TNRC6B: variants seen among roughly 807,000 people sequenced by gnomAD.
The protein encoded by TNRC6B is trinucleotide repeat containing adaptor 6B.
In TNRC6B, 52 loss-of-function variants were observed where a neutral mutation model predicts 203.6. The observed-to-expected ratio is 0.26, with a 90% CI of 0.20 to 0.32. The LOEUF (loss-of-function observed/expected upper bound fraction) is 0.32, where lower values mean the gene tolerates loss of function less well. Among genes scored for constraint, TNRC6B ranks in the 10% least tolerant of loss-of-function variants. TNRC6B has a pLI of 1.00. For missense variants in TNRC6B, 1,923 were observed against 2,286.2 expected (o/e 0.84, Z 3.24); for synonymous variants, 838 against 845.7 (o/e 0.99, Z 0.16).
At chr22:40,173,305 C>T (rs1167635414), upstream of TNRC6B, among the ~76,000 whole-genome samples, 1 of 152,054 alleles carries the variant, frequency 6.6e-6, no homozygotes, top group Non-Finnish European at 1.5e-5. Context: ...CCATGTTGAC[C>T]AGGATGGTCT....
rs1412341944 is a variant in TNRC6B, at chr22:40,301,022, G to A, written c.3936+17G>A. On this transcript the variant is annotated intron_variant, in intron 14 of 22. Coordinates refer to ENST00000454349, the MANE Select transcript of TNRC6B (RefSeq NM_001162501.2). ...GAGCAGCAGGTACGTGGGTAGGCAG[G>A]GTCCCTCCAGTGCTGTGTTGGAGGA... 3.1e-6 allele frequency: 5 copies of A among 1,606,798 alleles called. No homozygotes were observed. The East Asian group carries it at 9.0e-5, about 29-fold the overall frequency.
At chr22:40,250,253 T>C (rs1248851883) in intron 2 of TNRC6B, among the ~76,000 whole-genome samples, 1 of 152,236 alleles carries the variant, frequency 6.6e-6, no homozygotes, top group African/African-American at 2.4e-5. Context: ...TTTTGGATGT[T>C]TTGCTTGTGC....
At chr22:40,234,727 T>C (rs2069924876) in intron 1 of TNRC6B, among the ~76,000 whole-genome samples, 1 of 152,224 alleles carries the variant, frequency 6.6e-6, no homozygotes, top group Non-Finnish European at 1.5e-5. Context: ...GCATTTACCT[T>C]AATCTTTCTA....
intron 1 of TNRC6B, among the ~76,000 whole-genome samples, chr22:40,047,113 G>A (rs904323240): frequency 6.6e-6 from 1 of 152,112 alleles, no homozygotes; most frequent in Admixed American, 6.5e-5. Flanking sequence ...AATGAGAAAA[G>A]GGATCTCCAG....
At chr22:40,277,023 C>A in intron 7 of TNRC6B, 54 bp from the exon 8 acceptor site, 1 of 1,418,622 alleles carries the variant, frequency 7.0e-7, no homozygotes, top group Non-Finnish European at 9.5e-7. Flanking sequence ...TAATAAAACT[C>A]AGGAGGCTGA....
At chr22:40,228,924 G>A (rs1045532269) in intron 1 of TNRC6B, among the ~76,000 whole-genome samples, 1 of 152,122 alleles carries the variant, frequency 6.6e-6, no homozygotes, top group Non-Finnish European at 1.5e-5. Context: ...GTATAGGAAA[G>A]TACTTTCAGG....
chr22:40,074,387 G>A (rs2067986182), intron 1 of TNRC6B, among the ~76,000 whole-genome samples: 1 of 152,094 alleles, frequency 6.6e-6, no homozygotes, highest in South Asian at 2.1e-4. Context: ...GCTCATGACT[G>A]TAATCTCAGC....
chr22:40,292,703 G>A (rs1038558932), intron 12 of TNRC6B, among the ~76,000 whole-genome samples: 2 of 152,218 alleles, frequency 1.3e-5, no homozygotes. Flanking sequence ...TTTGCCTGGA[G>A]CCTAGTGGCG....
At chr22:40,138,877 G>A (rs897315186) in intron 3 of TNRC6B, among the ~76,000 whole-genome samples, 12 of 152,090 alleles carry the variant, frequency 7.9e-5, no homozygotes, top group African/African-American at 2.9e-4. Context: ...AAAAATAAAG[G>A]TAAATTAAGG....
intron 3 of TNRC6B, among the ~76,000 whole-genome samples, chr22:40,145,576 G>A (rs956152593): frequency 6.6e-6 from 1 of 152,198 alleles, no homozygotes; most frequent in African/African-American, 2.4e-5. Flanking sequence ...GGGCATGGTG[G>A]TTCACGCCTG....
intron 21 of TNRC6B, among the ~76,000 whole-genome samples, chr22:40,320,180 A>T (rs2071316204): frequency 6.6e-6 from 1 of 152,154 alleles, no homozygotes; most frequent in Admixed American, 6.5e-5. Context: ...GATCTTAAAT[A>T]CCTATTTAAG....
chr22:40,323,294 C>G lies in TNRC6B; in HGVS notation c.*53C>G. 3.3e-6 allele frequency: 5 copies of G among 1,519,326 alleles called. No homozygotes were observed. Among genetic ancestry groups the G allele is most frequent in the South Asian group, 2.5e-5 (2 of 80,772 alleles). 94.1% of individuals were successfully genotyped at this position (1,519,326 alleles called of 1,614,324 possible). A position where few individuals can be genotyped will look rare whatever the true frequency, so the allele number is the denominator to read the frequency against. Reference sequence around the variant, plus strand: ...GACCTTTTTTGGAACAGCAGCAGCACTAACTTGACCTTTTCGTTTTTTTTT... The same window carrying G: ...GACCTTTTTTGGAACAGCAGCAGCAGTAACTTGACCTTTTCGTTTTTTTTT... On this transcript the variant is annotated 3_prime_UTR_variant, in exon 23 of 23. Transcript: ENST00000454349.
intron 1 of TNRC6B, among the ~76,000 whole-genome samples, chr22:40,113,802 C>T (rs1473238735): frequency 6.6e-6 from 1 of 152,156 alleles, no homozygotes; most frequent in Non-Finnish European, 1.5e-5. Flanking sequence ...CCCTTGCTTC[C>T]TGGGAAGACC....
intron 1 of TNRC6B, among the ~76,000 whole-genome samples, chr22:40,075,389 C>T (rs2068004074): frequency 6.6e-6 from 1 of 151,408 alleles, no homozygotes; most frequent in Non-Finnish European, 1.5e-5. Context: ...AGAACGTTTC[C>T]TTATCCCTGG....
chr22:40,095,449 C>T (rs2068179980), intron 1 of TNRC6B, among the ~76,000 whole-genome samples: 1 of 152,074 alleles, frequency 6.6e-6, no homozygotes, highest in Non-Finnish European at 1.5e-5. Context: ...GACATGTAGC[C>T]ACCTCTCTTC....
At position 40,315,246 on chromosome 22, in the gene TNRC6B, C is replaced by G. The variant is rs752568752; in HGVS notation, c.4679-37C>G. 5 of 1,571,536 alleles carry G rather than the reference C, an allele frequency of 3.2e-6. No individual in the cohort carries two copies. The South Asian group carries it at 5.6e-5, about 18-fold the overall frequency. Reference sequence around the variant, plus strand: ...GTATTTGTCAACAAAAGTGAACCGTCTAACCTTATTCCTTCCTTAATTTTC... The same window carrying G: ...GTATTTGTCAACAAAAGTGAACCGTGTAACCTTATTCCTTCCTTAATTTTC... On this transcript the variant is annotated intron_variant, in intron 19 of 22. Transcript: ENST00000454349.
At chr22:40,167,614 G>A (rs2068930859) in intron 4 of TNRC6B, among the ~76,000 whole-genome samples, 1 of 150,674 alleles carries the variant, frequency 6.6e-6, no homozygotes, top group Non-Finnish European at 1.5e-5. Flanking sequence ...CAGACCAGGT[G>A]CCGTGGCTCA....
chr22:40,300,991 C>A lies in TNRC6B; in HGVS notation c.3922C>A (p.Gln1308Lys), dbSNP rs2071015329. 2 of 1,612,904 alleles carry A rather than the reference C, an allele frequency of 1.2e-6. No homozygotes were observed. ...QRKISQAVRQ[Q>K]QEQQLARMVS... ...AAAGATTTCTCAAGCTGTACGCCAACAGCAAGAGCAGCAGGTACGTGGGTA... is the reference window on the plus strand; with the variant it reads ...AAAGATTTCTCAAGCTGTACGCCAAAAGCAAGAGCAGCAGGTACGTGGGTA... The change falls in exon 14 of 23, where the codon CAG becomes AAG. Residue 1308 changes from glutamine to lysine, a missense_variant. Physicochemically the swap from Gln to Lys is moderately conservative, Grantham distance 53. Transcript: ENST00000454349.
At chr22:40,129,797 A>G (rs2068525378) in intron 3 of TNRC6B, among the ~76,000 whole-genome samples, 1 of 152,206 alleles carries the variant, frequency 6.6e-6, no homozygotes, top group African/African-American at 2.4e-5. Flanking sequence ...GGAGTGGAGA[A>G]TACATGGAAG....
Sources: gnomAD v4.1 joint callset for allele counts (sites outside exome capture counted in the v4.1 genomes callset) on GRCh38, gnomAD v4.1.1 for gene constraint, MANE v1.5 for transcripts, NCBI Gene and HGNC (gene_info 2026-07-23, HGNC 2026-07-21) for gene names.